XPR1: variants seen among roughly 807,000 people sequenced by gnomAD.
The protein encoded by XPR1 is solute carrier family 53 member 1.
In XPR1, 28 loss-of-function variants were observed where a neutral mutation model predicts 87.5. The ratio of observed to expected loss-of-function variants is 0.32; its 90% CI spans 0.24 to 0.44. The LOEUF (loss-of-function observed/expected upper bound fraction) is 0.44, where lower values mean the gene tolerates loss of function less well. Among genes scored for constraint, XPR1 ranks in the 20% least tolerant of loss-of-function variants. The probability of loss-of-function intolerance (pLI) is 1.00; values close to 1 mark genes in which losing one functional copy is unlikely to be tolerated. For synonymous variants in XPR1, 300 were observed against 306.1 expected (o/e 0.98, Z 0.21); for missense variants, 559 against 862.3 (o/e 0.65, Z 4.41).
intron 2 of XPR1, among the ~76,000 whole-genome samples, chr1:180,733,977 A>G (rs911405341): frequency 1.2e-4 from 18 of 152,168 alleles, no homozygotes; most frequent in Admixed American, 1.0e-3. Context: ...GAGGACAGTT[A>G]TAATTATTAT....
chr1:180,686,766 T>C (rs1474990813), intron 2 of XPR1, among the ~76,000 whole-genome samples: 1 of 152,212 alleles, frequency 6.6e-6, no homozygotes, highest in Non-Finnish European at 1.5e-5. Context: ...AGACTTGTTC[T>C]TATGACAAAA....
intron 2 of XPR1, among the ~76,000 whole-genome samples, chr1:180,762,450 C>T (rs10914090): frequency 0.043 from 6,546 of 152,128 alleles, 503 homozygotes; most frequent in African/African-American, 0.15. Flanking sequence ...CTTGATCATA[C>T]ATTGTAAGAG....
chr1:180,688,809 A>G (rs1229220971), intron 2 of XPR1, among the ~76,000 whole-genome samples: 1 of 152,126 alleles, frequency 6.6e-6, no homozygotes, highest in East Asian at 1.9e-4. Context: ...TGTCTCAGTA[A>G]TTTTATGGAA....
chr1:180,819,414 G>A (rs1310825681), intron 7 of XPR1, among the ~76,000 whole-genome samples: 1 of 152,096 alleles, frequency 6.6e-6, no homozygotes, highest in Non-Finnish European at 1.5e-5. Context: ...AACAAATTGT[G>A]GAGTTCAAGG....
intron 2 of XPR1, among the ~76,000 whole-genome samples, chr1:180,768,802 A>G (rs1648388703): frequency 6.6e-6 from 1 of 152,246 alleles, no homozygotes; most frequent in Non-Finnish European, 1.5e-5. Context: ...ATGTAGGTAG[A>G]AATTAATTCA....
intron 13 of XPR1, among the ~76,000 whole-genome samples, chr1:180,876,983 A>G (rs964569585): frequency 2.6e-5 from 4 of 152,244 alleles, no homozygotes; most frequent in East Asian, 1.9e-4. Context: ...ATAGTTTACA[A>G]ATAATTAGAT....
At chr1:180,714,365 CTCTCTCTCTCTCTCT>C (rs1557970775) in intron 2 of XPR1, among the ~76,000 whole-genome samples, 1,878 of 142,072 alleles carry the variant, frequency 0.013, 36 homozygotes, top group African/African-American at 0.048. Context: ...CTCTCTCTCT[CTCTCTCTCTCTCTCT>C]CTCTCTCTCT....
intron 1 of XPR1, among the ~76,000 whole-genome samples, chr1:180,664,591 C>A (rs905952186): frequency 6.6e-6 from 1 of 152,152 alleles, no homozygotes; most frequent in Non-Finnish European, 1.5e-5. Context: ...GAGCTTCAAG[C>A]CTTGCTGCCT....
intron 1 of XPR1, among the ~76,000 whole-genome samples, chr1:180,668,408 C>T (rs970875342): frequency 1.3e-5 from 2 of 152,084 alleles, no homozygotes; most frequent in African/African-American, 4.8e-5. Flanking sequence ...GGATTACAGG[C>T]GTGAGCCACT....
At chr1:180,763,583 A>G (rs765408593) in intron 2 of XPR1, among the ~76,000 whole-genome samples, 1 of 152,222 alleles carries the variant, frequency 6.6e-6, no homozygotes. Flanking sequence ...TGATTGTGAT[A>G]AGAGCAATGA....
chr1:180,749,837 A>G (rs193122896), intron 2 of XPR1, among the ~76,000 whole-genome samples: 16 of 152,280 alleles, frequency 1.1e-4, no homozygotes, highest in Non-Finnish European at 1.9e-4. Flanking sequence ...AAGAAGAGCA[A>G]CCTTTAACTT....
intron 2 of XPR1, among the ~76,000 whole-genome samples, chr1:180,716,070 T>G (rs1161739958): frequency 2.0e-5 from 3 of 152,156 alleles, no homozygotes; most frequent in Non-Finnish European, 2.9e-5. Flanking sequence ...GAGTGGAATG[T>G]CATATAATAG....
At chr1:180,644,027 A>C (rs16856361) in intron 1 of XPR1, among the ~76,000 whole-genome samples, 1 of 151,976 alleles carries the variant, frequency 6.6e-6, no homozygotes, top group African/African-American at 2.4e-5. Context: ...ATAGTATATA[A>C]CTAAGTGATT....
At chr1:180,766,934 C>A (rs1015385691) in intron 2 of XPR1, among the ~76,000 whole-genome samples, 2 of 152,088 alleles carry the variant, frequency 1.3e-5, no homozygotes, top group African/African-American at 4.8e-5. Context: ...TACATTTGTC[C>A]CATATATGGT....
chr1:180,753,091 T>C (rs1647593327), intron 2 of XPR1, among the ~76,000 whole-genome samples: 1 of 152,202 alleles, frequency 6.6e-6, no homozygotes, highest in African/African-American at 2.4e-5. Context: ...TTCTGCCCCT[T>C]AGTCAACTGT....
chr1:180,719,340 A>T (rs1658104216), intron 2 of XPR1, among the ~76,000 whole-genome samples: 1 of 152,232 alleles, frequency 6.6e-6, no homozygotes, highest in Non-Finnish European at 1.5e-5. Flanking sequence ...AAAAAGTTGG[A>T]AGTATATTTA....
At chr1:180,827,249 C>T (rs1390360956) in intron 9 of XPR1, among the ~76,000 whole-genome samples, 2 of 151,742 alleles carry the variant, frequency 1.3e-5, no homozygotes, top group Admixed American at 6.6e-5. Context: ...CTTGGCCTCC[C>T]AAAGTGCTGG....
intron 1 of XPR1, among the ~76,000 whole-genome samples, chr1:180,645,999 G>A (rs1655107167): frequency 6.6e-6 from 1 of 152,150 alleles, no homozygotes; most frequent in Non-Finnish European, 1.5e-5. Context: ...CAACAAAAGT[G>A]CACATAATAT....
chr1:180,727,818 GAT>G (rs1658407288), intron 2 of XPR1, among the ~76,000 whole-genome samples: 1 of 152,214 alleles, frequency 6.6e-6, no homozygotes, highest in South Asian at 2.1e-4. Context: ...TTTTAGACCA[GAT>G]AAGGTAACTT....
Sources: allele counts gnomAD v4.1 joint callset (sites outside exome capture counted in the v4.1 genomes callset), GRCh38; gene constraint gnomAD v4.1.1; transcripts MANE v1.5; gene names NCBI Gene and HGNC (gene_info 2026-07-23, HGNC 2026-07-21).